The following USP34 variants were observed in gnomAD, a reference collection of about 807,000 sequenced individuals.
USP34 encodes the protein ubiquitin carboxyl-terminal hydrolase 34.
A neutral mutation model predicts 460.3 loss-of-function variants in USP34; 70 were observed. The ratio of observed to expected loss-of-function variants is 0.15; its 90% CI spans 0.13 to 0.19. USP34 has a LOEUF of 0.19. Among genes scored for constraint, USP34 ranks in the 10% least tolerant of loss-of-function variants. The pLI, the probability that USP34 is intolerant of heterozygous loss-of-function variation, is 1.00. For missense variants in USP34, 3,985 were observed against 4,236.2 expected (o/e 0.94, Z 1.65); for synonymous variants, 1,647 against 1,405.3 (o/e 1.17, Z -3.85).
chr2:61,422,252 GT>G (rs916750940), intron 1 of USP34, among the ~76,000 whole-genome samples: 3 of 152,200 alleles, frequency 2.0e-5, no homozygotes, highest in Non-Finnish European at 4.4e-5. Context: ...CGCCATGCCA[GT>G]TTTCCTTCCC....
At chr2:61,260,339 T>C (rs369493427) in intron 43 of USP34, among the ~76,000 whole-genome samples, 2 of 152,298 alleles carry the variant, frequency 1.3e-5, no homozygotes, top group East Asian at 1.9e-4. Context: ...CCAAGCCTTA[T>C]AGGAAAGATC....
At chr2:61,355,455 G>A (rs1275271410) in intron 10 of USP34, among the ~76,000 whole-genome samples, 2 of 152,174 alleles carry the variant, frequency 1.3e-5, no homozygotes, top group African/African-American at 4.8e-5. Context: ...AATAAAAATG[G>A]AGAGATGGAG....
rs368138866 is a variant in USP34, at chr2:61,188,333, A to T, written c.10410T>A (p.Ser3470=). 3.1e-5 allele frequency: 50 copies of T among 1,613,544 alleles called. No individual in the cohort carries two copies. Among genetic ancestry groups the T allele is most frequent in the Non-Finnish European group, 3.1e-5 (36 of 1,180,040 alleles). ...CAGACAGAACTGCAGAGATAGAAGT[A>T]GAAGGGAACTCAGATTCTTCCTCAG... ...TLAEEESEFP[S]TSISAVLSDL... Residue 3470 remains serine (S), a synonymous_variant, in exon 80 of 80, where the codon TCT becomes TCA. Transcript: ENST00000398571.
intron 57 of USP34, among the ~76,000 whole-genome samples, chr2:61,232,752 T>C (rs1687944512): frequency 6.6e-6 from 1 of 151,840 alleles, no homozygotes; most frequent in African/African-American, 2.4e-5. Context: ...TAGTACACAA[T>C]GTGCATGACA....
At chr2:61,394,793 A>C in intron 5 of USP34, 60 bp downstream of exon 5, 1 of 1,301,066 alleles carries the variant, frequency 7.7e-7, no homozygotes, top group Non-Finnish European at 1.0e-6. Context: ...CATAAAATTC[A>C]TGTTACTGAT....
chr2:61,306,919 G>T (rs1690426182), intron 27 of USP34, among the ~76,000 whole-genome samples: 1 of 152,204 alleles, frequency 6.6e-6, no homozygotes, highest in East Asian at 1.9e-4. Flanking sequence ...ATTCCTCAGG[G>T]ATCTAGAACT....
chr2:61,221,369 C>G (rs1289641726), intron 66 of USP34, 133 bp downstream of exon 66: 2 of 736,360 alleles, frequency 2.7e-6, no homozygotes, highest in Non-Finnish European at 4.4e-6. Context: ...GAACTCTTTT[C>G]CTCCCCAAAC....
chr2:61,270,289 A>G (rs190849828), intron 41 of USP34, among the ~76,000 whole-genome samples: 57 of 152,290 alleles, frequency 3.7e-4, no homozygotes, highest in African/African-American at 1.3e-3. Flanking sequence ...CGTGAATCAA[A>G]AAGTAGGCCT....
At chr2:61,396,035 T>G (rs1572999884) in intron 3 of USP34, among the ~76,000 whole-genome samples, 1 of 146,646 alleles carries the variant, frequency 6.8e-6, no homozygotes, top group East Asian at 2.0e-4. Context: ...CCATCCTGGG[T>G]GACAGAGCAA....
chr2:61,314,816 G>T (rs1690694111), intron 24 of USP34, 59 bp downstream of exon 24: 3 of 1,588,082 alleles, frequency 1.9e-6, no homozygotes, highest in Admixed American at 3.7e-5. Context: ...AAAAATTTTA[G>T]TTTCACAAAA....
chr2:61,357,063 T>C lies in USP34; in HGVS notation c.1252-6370A>G, dbSNP rs190498399. 2.4e-3 allele frequency among the ~76,000 whole-genome samples: 362 copies of C among 152,094 alleles called. 2 individuals carry two copies. Among genetic ancestry groups the C allele is most frequent in the African/African-American group, 6.9e-3 (286 of 41,478 alleles). On this transcript the variant is annotated intron_variant, in intron 10 of 79. Transcript: ENST00000398571. ...AAGAGAATAATCATAAACAAGGAAA[T>C]AGAGAATCTGAACAACACAATAAGC...
intron 23 of USP34, 92 bp from the exon 24 acceptor site, chr2:61,315,066 ACTC>A: frequency 1.1e-6 from 1 of 874,934 alleles, no homozygotes; most frequent in Non-Finnish European, 1.8e-6. Flanking sequence ...ATCATAGGCA[ACTC>A]CTATTATTCA....
At chr2:61,355,832 TA>T (rs1236739156) in intron 10 of USP34, among the ~76,000 whole-genome samples, 1 of 152,218 alleles carries the variant, frequency 6.6e-6, no homozygotes, top group Non-Finnish European at 1.5e-5. Flanking sequence ...GGTATTTTTT[TA>T]AAACTTGATC....
chr2:61,466,180 T>A (rs556994899), intron 1 of USP34, among the ~76,000 whole-genome samples: 133 of 151,896 alleles, frequency 8.8e-4, no homozygotes, highest in African/African-American at 2.9e-3. Flanking sequence ...ATCCCAGCAC[T>A]TTGGGAGGCC....
Position 61,470,733 on chromosome 2 carries a change from A to C in USP34, c.-41T>G, listed in dbSNP as rs1254484421. On this transcript the variant is annotated 5_prime_UTR_variant, in exon 1 of 80. Coordinates refer to ENST00000398571, the MANE Select transcript of USP34 (RefSeq NM_014709.4). The stretch of plus-strand genomic sequence containing the variant: ...CCCCCCCTCCCCCGCTTCGGATCAC[A>C]CTGACTGATCCCGACCGGCGGGGGG... 6 of 1,505,628 alleles carry C rather than the reference A, an allele frequency of 4.0e-6. No individual in the cohort carries two copies. Among genetic ancestry groups the C allele is most frequent in the Non-Finnish European group, 5.4e-6 (6 of 1,109,166 alleles). 93.3% of individuals were successfully genotyped at this position (1,505,628 alleles called of 1,614,324 possible). A position where few individuals can be genotyped will look rare whatever the true frequency, so the allele number is the denominator to read the frequency against.
Position 61,311,923 on chromosome 2 carries a change from A to C in USP34, c.3543-13T>G. ...ATGATATGCAAACCTAAAACATGACACAAACAACACATAGAAAGGATACCA... is the reference window on the plus strand; with the variant it reads ...ATGATATGCAAACCTAAAACATGACCCAAACAACACATAGAAAGGATACCA... On this transcript the variant is annotated splice_polypyrimidine_tract_variant and intron_variant, in intron 25 of 79. Coordinates refer to ENST00000398571, the MANE Select transcript of USP34 (RefSeq NM_014709.4). 1 of 1,610,414 alleles carries C rather than the reference A, an allele frequency of 6.2e-7. No individual in the cohort carries two copies. The highest frequency in any genetic ancestry group is 8.5e-7 in the Non-Finnish European group (1 of 1,179,214).
intron 3 of USP34, among the ~76,000 whole-genome samples, chr2:61,396,196 T>C (rs1156873875): frequency 6.6e-6 from 1 of 152,230 alleles, no homozygotes; most frequent in Non-Finnish European, 1.5e-5. Flanking sequence ...CCTAGAGGTA[T>C]ACTGAAGAGT....
At chr2:61,349,578 C>T (rs1245208142) in intron 12 of USP34, among the ~76,000 whole-genome samples, 3 of 152,088 alleles carry the variant, frequency 2.0e-5, no homozygotes, top group South Asian at 2.1e-4. Flanking sequence ...CAGTGGGTCA[C>T]GCCTGTAACC....
intron 20 of USP34, among the ~76,000 whole-genome samples, chr2:61,327,558 C>T (rs548869099): frequency 6.6e-6 from 1 of 152,340 alleles, no homozygotes; most frequent in East Asian, 1.9e-4. Context: ...TATGGGACAT[C>T]AATCAAACAT....
Sources: gnomAD v4.1 joint callset for allele counts (sites outside exome capture counted in the v4.1 genomes callset) on GRCh38, gnomAD v4.1.1 for gene constraint, MANE v1.5 for transcripts, NCBI Gene and HGNC (gene_info 2026-07-23, HGNC 2026-07-21) for gene names.